Variants in MATN2 observed in about 807,000 individuals in gnomAD.
MATN2 encodes matrilin 2.
Under a neutral mutation model 103.2 loss-of-function variants are expected in MATN2, and 69 were observed. That is an observed-to-expected ratio of 0.67 (90% CI 0.55 to 0.82). The LOEUF is 0.82. MATN2 is among the 40% of genes least tolerant of loss of function. MATN2 has a pLI of 0.00. For missense variants in MATN2, 1,023 were observed against 1,211.5 expected (o/e 0.84, Z 2.31); for synonymous variants, 429 against 450.2 (o/e 0.95, Z 0.60).
In MATN2 at chr8:98,007,141, A is replaced by G; in HGVS notation, c.1364A>G (p.Glu455Gly). The G allele has an allele frequency of 3.1e-6, 5 of 1,612,928 alleles. No homozygotes were observed. Among genetic ancestry groups the G allele is most frequent in the Non-Finnish European group, 3.4e-6 (4 of 1,179,506 alleles). The change falls in exon 9 of 19, where the codon GAG becomes GGG. Residue 455 changes from glutamate (E) to glycine (G), a missense_variant. Coordinates refer to ENST00000254898, the MANE Select transcript of MATN2 (RefSeq NM_002380.5). The surrounding 1 kb of genome is among the most constrained non-coding windows in gnomAD (Gnocchi z 4.2). ...DHCAQQDHGC[E>G]QLCLNTEDSF... ...TGTGCACAGCAGGACCATGGCTGTG[A>G]GCAGCTGTGTCTGAACACGGAGGAT...
Position 97,941,851 on chromosome 8 carries a change from AG to A in MATN2, c.789del (p.Arg263SerfsTer33). ...CINIPGSYVCRCKQGYILNSD... is the reference protein window; with the variant it reads ...CINIPGSYVCXCKQGYILNSD... ...CAACATCCCTGGCTCATACGTCTGC[AG>A]GTGCAAACAAGGCTACATTCTCAAC... is the stretch of plus-strand genomic sequence containing the variant. On this transcript the variant is annotated frameshift_variant, in exon 4 of 19. Transcript: ENST00000254898. LOFTEE classifies it high-confidence loss of function. The A allele has an allele frequency of 6.2e-7, 1 of 1,613,546 alleles. No individual in the cohort carries two copies. Among genetic ancestry groups the A allele is most frequent in the Non-Finnish European group, 8.5e-7 (1 of 1,179,608 alleles).
chr8:97,911,427 G>C (rs933556794), intron 2 of MATN2, among the ~76,000 whole-genome samples: 1 of 152,158 alleles, frequency 6.6e-6, no homozygotes, highest in South Asian at 2.1e-4. Context: ...TAAAGTTATG[G>C]TCCGGGTGCC....
At chr8:97,953,160 C>T (rs1471526658) in intron 4 of MATN2, among the ~76,000 whole-genome samples, 1 of 151,838 alleles carries the variant, frequency 6.6e-6, no homozygotes, top group East Asian at 1.9e-4. Context: ...CTGCGTTGGC[C>T]TCCCAAAGTG....
At chr8:97,902,934 G>C (rs1038274909) in intron 2 of MATN2, among the ~76,000 whole-genome samples, 28 of 152,206 alleles carry the variant, frequency 1.8e-4, no homozygotes, top group Admixed American at 1.8e-3. Flanking sequence ...TGGTGCAGAT[G>C]CTGGGTTTGG....
intron 2 of MATN2, among the ~76,000 whole-genome samples, chr8:97,918,245 A>G (rs913166969): frequency 2.0e-5 from 3 of 152,200 alleles, no homozygotes; most frequent in Non-Finnish European, 2.9e-5. Context: ...GCCTAGCTCT[A>G]CAGTCGCCTC....
At chr8:98,034,015 C>T (rs534071039) in intron 18 of MATN2, among the ~76,000 whole-genome samples, 29 of 152,070 alleles carry the variant, frequency 1.9e-4, no homozygotes, top group East Asian at 3.9e-4. Context: ...ATCAAAGGTA[C>T]GGTAAGTATA....
chr8:97,999,014 C>T (rs1812695176), intron 7 of MATN2, among the ~76,000 whole-genome samples: 1 of 152,180 alleles, frequency 6.6e-6, no homozygotes, highest in Non-Finnish European at 1.5e-5. Flanking sequence ...CCTCCTCCTC[C>T]ATCTCCTGGC....
At chr8:98,033,495 CTAT>C in intron 17 of MATN2, 63 bp from the exon 18 acceptor site, 2 of 825,910 alleles carry the variant, frequency 2.4e-6, no homozygotes, top group South Asian at 1.9e-5. Flanking sequence ...TGATTCATTC[CTAT>C]TATTATGCGT....
At chr8:97,877,565 C>G (rs1365616449) in intron 1 of MATN2, among the ~76,000 whole-genome samples, 1 of 151,532 alleles carries the variant, frequency 6.6e-6, no homozygotes, top group African/African-American at 2.4e-5. Context: ...ATGTGCTTCT[C>G]CCACCTCAGC....
At chr8:98,011,510 C>T (rs942144817) in intron 10 of MATN2, among the ~76,000 whole-genome samples, 1 of 152,196 alleles carries the variant, frequency 6.6e-6, no homozygotes, top group Non-Finnish European at 1.5e-5. Flanking sequence ...AGCCGAGTCC[C>T]CTGATTTTAG....
At chr8:97,889,300 T>C (rs1042134457) in intron 2 of MATN2, among the ~76,000 whole-genome samples, 14 of 151,966 alleles carry the variant, frequency 9.2e-5, no homozygotes, top group Admixed American at 6.6e-4. Context: ...ACCCCAGTGA[T>C]AGGTCTTCCA....
At chr8:97,945,717 A>AAATATATATATATATATATATAT (rs59472539) in intron 4 of MATN2, among the ~76,000 whole-genome samples, 2 of 121,832 alleles carry the variant, frequency 1.6e-5, no homozygotes, top group African/African-American at 6.2e-5. Flanking sequence ...AAAAAAAAAA[A>AAATATATATATATATATATATAT]ATATATATAT....
chr8:98,024,505 A>AAC (rs1813716468), intron 13 of MATN2, among the ~76,000 whole-genome samples: 2 of 151,654 alleles, frequency 1.3e-5, no homozygotes, highest in African/African-American at 4.9e-5. Flanking sequence ...ATGCCATCTC[A>AAC]AACAACAACA....
chr8:97,902,145 G>C (rs1419112661), intron 2 of MATN2, among the ~76,000 whole-genome samples: 1 of 150,052 alleles, frequency 6.7e-6, no homozygotes, highest in African/African-American at 2.4e-5. Context: ...TTAGAGATAT[G>C]AGCCACTGTG....
chr8:98,018,045 A>G lies in MATN2; in HGVS notation c.1748A>G (p.Asn583Ser). 1 of 1,613,890 alleles carries G rather than the reference A, an allele frequency of 6.2e-7. No individual in the cohort carries two copies. The highest frequency in any genetic ancestry group is 8.5e-7 in the Non-Finnish European group (1 of 1,179,802). ...CATGGCTGTGAACACATTTGTGTGA[A>G]CAGTGATGACTCATACACGTGCGAG... is the stretch of plus-strand genomic sequence containing the variant. ...IDHGCEHICV[N>S]SDDSYTCECL... The change falls in exon 12 of 19, where the codon AAC becomes AGC. Residue 583 changes from asparagine (N) to serine (S), a missense_variant. Coordinates refer to ENST00000254898, the MANE Select transcript of MATN2 (RefSeq NM_002380.5).
At position 97,953,558 on chromosome 8, in the gene MATN2, G is replaced by A. The variant is rs532858056; in HGVS notation, c.836-7850G>A. Among the ~76,000 whole-genome samples, 262 of 152,252 alleles carry A rather than the reference G, an allele frequency of 1.7e-3. 2 individuals are homozygous for A. Among genetic ancestry groups the A allele is most frequent in the African/African-American group, 5.8e-3 (239 of 41,548 alleles). Reference sequence around the variant, plus strand: ...TCCCAGCACTTTGGGAGGCCAAGGCGGGCAGATCACCTGAGGTCAGGAGTT... The same window carrying A: ...TCCCAGCACTTTGGGAGGCCAAGGCAGGCAGATCACCTGAGGTCAGGAGTT... On this transcript the variant is annotated intron_variant, in intron 4 of 18. Transcript: ENST00000254898.
chr8:97,883,075 A>G (rs1818304022), intron 1 of MATN2, among the ~76,000 whole-genome samples: 1 of 152,052 alleles, frequency 6.6e-6, no homozygotes, highest in Non-Finnish European at 1.5e-5. Context: ...AGGCCAAGGC[A>G]GGCAGATTGC....
At chr8:97,992,438 A>G (rs866505624) in intron 6 of MATN2, among the ~76,000 whole-genome samples, 30 of 152,140 alleles carry the variant, frequency 2.0e-4, no homozygotes, top group African/African-American at 6.3e-4. Flanking sequence ...ATTATGAAGC[A>G]TTTATGGACA....
At chr8:97,952,543 G>A (rs2444882) in intron 4 of MATN2, among the ~76,000 whole-genome samples, 47,684 of 152,008 alleles carry the variant, frequency 0.31, 8,713 homozygotes, top group East Asian at 0.43. Flanking sequence ...AGATGCAGGC[G>A]CCAGGGTTTC....
Sources: allele counts gnomAD v4.1 joint callset (sites outside exome capture counted in the v4.1 genomes callset), GRCh38; gene constraint gnomAD v4.1.1; non-coding constraint Gnocchi (gnomAD v3.1); transcripts MANE v1.5; gene names NCBI Gene and HGNC (gene_info 2026-07-23, HGNC 2026-07-21).